MYOZ2: variants seen among roughly 807,000 people sequenced by gnomAD.
MYOZ2 encodes the protein myozenin 2.
In MYOZ2, 19 loss-of-function variants were observed where a neutral mutation model predicts 25.4. That is an observed-to-expected ratio of 0.75 (90% CI 0.52 to 1.10). MYOZ2 has a LOEUF of 1.10. Among genes scored for constraint, MYOZ2 ranks in the 50% least tolerant of loss-of-function variants. The probability of loss-of-function intolerance (pLI) is 0.00; values close to 1 mark genes in which losing one functional copy is unlikely to be tolerated. For synonymous variants in MYOZ2, 92 were observed against 106.9 expected, an observed-to-expected ratio of 0.86 and a Z score of 0.86; for missense variants, 270 against 317.9, an observed-to-expected ratio of 0.85 and a Z score of 1.15.
intron 2 of MYOZ2, among the ~76,000 whole-genome samples, chr4:119,139,640 A>T (rs1027869192): frequency 3.9e-5 from 6 of 152,200 alleles, no homozygotes; most frequent in Non-Finnish European, 8.8e-5. Context: ...AAGGAGAGGC[A>T]CTCTAGAGAA....
In MYOZ2 at chr4:119,186,049, C is replaced by T; in HGVS notation, c.644C>T (p.Thr215Ile). Residue 215 changes from threonine to isoleucine, a missense_variant, in exon 6 of 6, where the codon ACA becomes ATA. Transcript: ENST00000307128. ...KVPDFELLLLTDPRFMSFVNP... is the reference protein window; with the variant it reads ...KVPDFELLLLIDPRFMSFVNP... ...CCAGATTTTGAGCTACTATTGCTAA[C>T]AGATCCCAGGTTTATGTCCTTTGTC... 1 of 1,613,954 alleles carries T rather than the reference C, an allele frequency of 6.2e-7. No homozygotes were observed. The highest frequency in any genetic ancestry group is 8.5e-7 in the Non-Finnish European group (1 of 1,179,994).
At chr4:119,137,870 C>A (rs2149218067) in intron 2 of MYOZ2, among the ~76,000 whole-genome samples, 1 of 152,162 alleles carries the variant, frequency 6.6e-6, no homozygotes, top group East Asian at 1.9e-4. Flanking sequence ...TTTAGCTTTT[C>A]TGATCAATGT....
At chr4:119,180,472 C>T (rs564834561) in intron 5 of MYOZ2, among the ~76,000 whole-genome samples, 11 of 152,290 alleles carry the variant, frequency 7.2e-5, no homozygotes, top group Non-Finnish European at 1.3e-4. Flanking sequence ...TACTGCTATT[C>T]GCCTTTCTGT....
intron 2 of MYOZ2, among the ~76,000 whole-genome samples, chr4:119,143,227 G>T (rs1444027842): frequency 6.7e-6 from 1 of 148,896 alleles, no homozygotes; most frequent in African/African-American, 2.5e-5. Context: ...ATGGAGTCTT[G>T]CTCTGTCACC....
At chr4:119,145,338 GTTTTT>G (rs60344545) in intron 2 of MYOZ2, among the ~76,000 whole-genome samples, 1 of 100,638 alleles carries the variant, frequency 9.9e-6, no homozygotes, top group South Asian at 3.1e-4. Context: ...TGCGTGTGTG[GTTTTT>G]TTTTTTTTTT....
intron 3 of MYOZ2, among the ~76,000 whole-genome samples, chr4:119,155,689 A>G (rs751874015): frequency 6.6e-5 from 10 of 152,148 alleles, no homozygotes; most frequent in Non-Finnish European, 1.3e-4. Context: ...TTACCAAGCA[A>G]AAGAGTTTGC....
chr4:119,138,245 C>T (rs1409979069), intron 2 of MYOZ2, among the ~76,000 whole-genome samples: 2 of 152,108 alleles, frequency 1.3e-5, no homozygotes, highest in African/African-American at 2.4e-5. Flanking sequence ...AGTACCAGCT[C>T]CCTTAAGAGG....
In MYOZ2 at chr4:119,139,558, G is replaced by C. The variant is rs555728325; in HGVS notation, c.76+2957G>C. 2.0e-5 allele frequency among the ~76,000 whole-genome samples: 3 copies of C among 152,270 alleles called. No individual in the cohort carries two copies. In the East Asian group the frequency reaches 5.8e-4, roughly 29 times the overall value. ...GTGAAACTTGAAGACTGAATGAAGA[G>C]AGAGAGGTAGGAAAGGATAAAAGGA... On this transcript the variant is annotated intron_variant, in intron 2 of 5. Coordinates refer to ENST00000307128, the MANE Select transcript of MYOZ2 (RefSeq NM_016599.5).
chr4:119,183,414 C>T (rs568125097), intron 5 of MYOZ2, among the ~76,000 whole-genome samples: 3 of 149,140 alleles, frequency 2.0e-5, no homozygotes, highest in Admixed American at 1.3e-4. Flanking sequence ...GTACTCCAAG[C>T]AGAGAGAGAA....
At chr4:119,155,214 A>T (rs1213573799) in intron 3 of MYOZ2, among the ~76,000 whole-genome samples, 2 of 152,152 alleles carry the variant, frequency 1.3e-5, no homozygotes, top group Non-Finnish European at 2.9e-5. Context: ...CCATGACCAA[A>T]CGCCTCCCAT....
At chr4:119,159,340 CA>C (rs1235270497) in intron 4 of MYOZ2, among the ~76,000 whole-genome samples, 1 of 152,154 alleles carries the variant, frequency 6.6e-6, no homozygotes, top group Non-Finnish European at 1.5e-5. Flanking sequence ...CTCATGTCAA[CA>C]GACCTTATGG....
At chr4:119,164,115 A>G (rs1194277734) in intron 4 of MYOZ2, 96 bp from the exon 5 acceptor site, 2 of 1,197,910 alleles carry the variant, frequency 1.7e-6, no homozygotes, top group Non-Finnish European at 2.5e-6. Context: ...TCATAAATTT[A>G]TCCCAGCATG....
intron 5 of MYOZ2, among the ~76,000 whole-genome samples, chr4:119,178,781 G>T (rs536652945): frequency 1.3e-5 from 2 of 152,076 alleles, no homozygotes; most frequent in African/African-American, 4.8e-5. Flanking sequence ...TAATTTTTGT[G>T]TTTTTAGTAG....
intron 5 of MYOZ2, among the ~76,000 whole-genome samples, chr4:119,176,244 C>G (rs1208068857): frequency 6.6e-6 from 1 of 151,674 alleles, no homozygotes; most frequent in Admixed American, 6.6e-5. Context: ...TTTTTTAAAA[C>G]AGTCTCACTC....
chr4:119,145,795 T>A (rs1037158862), intron 2 of MYOZ2, among the ~76,000 whole-genome samples: 2 of 152,168 alleles, frequency 1.3e-5, no homozygotes, highest in Admixed American at 1.3e-4. Flanking sequence ...GTGATAATTG[T>A]TCTTTAAATA....
chr4:119,147,570 G>A (rs1230256552), intron 2 of MYOZ2, among the ~76,000 whole-genome samples: 2 of 151,700 alleles, frequency 1.3e-5, no homozygotes, highest in South Asian at 2.1e-4. Flanking sequence ...GAGAAACCCC[G>A]TCCCTACTAA....
chr4:119,141,423 C>T (rs1345027652), intron 2 of MYOZ2, among the ~76,000 whole-genome samples: 2 of 152,060 alleles, frequency 1.3e-5, no homozygotes, highest in Non-Finnish European at 2.9e-5. Flanking sequence ...TGCTCTGTTG[C>T]CCAGGCTGGA....
At chr4:119,143,701 C>T (rs1374563531) in intron 2 of MYOZ2, among the ~76,000 whole-genome samples, 1 of 152,156 alleles carries the variant, frequency 6.6e-6, no homozygotes, top group African/African-American at 2.4e-5. Context: ...CTTATTCATC[C>T]GTCTCTCTCT....
At chr4:119,141,792 A>G (rs1297404551) in intron 2 of MYOZ2, among the ~76,000 whole-genome samples, 1 of 152,214 alleles carries the variant, frequency 6.6e-6, no homozygotes, top group African/African-American at 2.4e-5. Context: ...GATTAAACAC[A>G]CCGTTAAGAA....
Sources: gnomAD v4.1 joint callset for allele counts (sites outside exome capture counted in the v4.1 genomes callset) on GRCh38, gnomAD v4.1.1 for gene constraint, MANE v1.5 for transcripts, NCBI Gene and HGNC (gene_info 2026-07-23, HGNC 2026-07-21) for gene names.